The following SH3PXD2A variants were observed in gnomAD, a reference collection of about 807,000 sequenced individuals.
SH3PXD2A encodes SH3 and PX domains 2A, also known as SH3 and PX domain-containing protein 2A.
Under a neutral mutation model 115.2 loss-of-function variants are expected in SH3PXD2A, and 32 were observed. That is an observed-to-expected ratio of 0.28 (90% confidence interval 0.21 to 0.37). SH3PXD2A has a LOEUF of 0.37. SH3PXD2A is among the 10% of genes least tolerant of loss of function. The pLI is 1.00. For synonymous variants in SH3PXD2A, 610 were observed against 629.1 expected, an observed-to-expected ratio of 0.97 and a Z score of 0.45; for missense variants, 1,328 against 1,498.7, an observed-to-expected ratio of 0.89 and a Z score of 1.88.
At chr10:103,810,590 T>C (rs7916119) in intron 1 of SH3PXD2A, among the ~76,000 whole-genome samples, 46,994 of 151,892 alleles carry the variant, frequency 0.31, 7,908 homozygotes, top group African/African-American at 0.39. Context: ...TGAGTGAGGG[T>C]TTCCTTTGCT....
intron 2 of SH3PXD2A, among the ~76,000 whole-genome samples, chr10:103,797,952 A>T (rs56089126): frequency 0.18 from 27,204 of 152,006 alleles, 2,470 homozygotes; most frequent in East Asian, 0.29. Flanking sequence ...TCCGAATGAA[A>T]CTGGATCTGT....
intron 5 of SH3PXD2A, among the ~76,000 whole-genome samples, chr10:103,719,313 G>T (rs2134166306): frequency 6.6e-6 from 1 of 152,346 alleles, no homozygotes; most frequent in African/African-American, 2.4e-5. Flanking sequence ...TTGGGTCAGG[G>T]CTGTGGTTAG....
chr10:103,715,144 G>A (rs2038091076), intron 5 of SH3PXD2A, among the ~76,000 whole-genome samples: 1 of 152,194 alleles, frequency 6.6e-6, no homozygotes, highest in South Asian at 2.1e-4. Context: ...ATGGAGGAAA[G>A]GAGAAGAAAA....
rs139812262 is a variant in SH3PXD2A, at chr10:103,771,540, C to A, written c.154-4371G>T. On this transcript the variant is annotated intron_variant, in intron 2 of 14. Transcript: ENST00000369774. ...GACAAGGCAGGAGGACTGCTTGAGGCTAGGAGTTCACAGACCAGCCTGCGA... is the reference window on the plus strand; with the variant it reads ...GACAAGGCAGGAGGACTGCTTGAGGATAGGAGTTCACAGACCAGCCTGCGA... 2.9e-3 allele frequency among the ~76,000 whole-genome samples: 438 copies of A among 152,134 alleles called. 6 individuals carry two copies. The highest frequency in any genetic ancestry group is 4.2e-3 in the Non-Finnish European group (287 of 67,990).
At chr10:103,729,882 G>A in intron 4 of SH3PXD2A, among the ~76,000 whole-genome samples, 1 of 152,134 alleles carries the variant, frequency 6.6e-6, no homozygotes, top group East Asian at 1.9e-4. Flanking sequence ...ATTTCATGGG[G>A]GCCATGACAT....
intron 5 of SH3PXD2A, among the ~76,000 whole-genome samples, chr10:103,720,716 C>G (rs1013445180): frequency 2.0e-5 from 3 of 152,250 alleles, no homozygotes; most frequent in Non-Finnish European, 4.4e-5. Flanking sequence ...GGGAGGTGCA[C>G]AGTCGCCTGG....
chr10:103,710,954 T>G (rs1230143019), intron 5 of SH3PXD2A, among the ~76,000 whole-genome samples: 1 of 152,146 alleles, frequency 6.6e-6, no homozygotes. Flanking sequence ...GAGGATTGCT[T>G]GAGCCCAGCA....
chr10:103,677,171 C>G (rs758684477), intron 6 of SH3PXD2A, among the ~76,000 whole-genome samples: 11 of 152,246 alleles, frequency 7.2e-5, no homozygotes, highest in Non-Finnish European at 1.6e-4. Flanking sequence ...TCTCTCCAGA[C>G]TGGACTCTTG....
intron 5 of SH3PXD2A, among the ~76,000 whole-genome samples, chr10:103,695,312 C>G (rs566265451): frequency 9.9e-5 from 15 of 152,148 alleles, no homozygotes; most frequent in Non-Finnish European, 1.8e-4. Flanking sequence ...GAGTTTGAGA[C>G]CAGCCTAGGC....
chr10:103,708,287 C>CA (rs1221478589), intron 5 of SH3PXD2A, among the ~76,000 whole-genome samples: 1 of 152,184 alleles, frequency 6.6e-6, no homozygotes, highest in African/African-American at 2.4e-5. Context: ...CTCGGGTCCC[C>CA]AAGCTGGGGT....
Position 103,617,223 on chromosome 10 carries a change from C to A in SH3PXD2A, c.894G>T (p.Lys298Asn), listed in dbSNP as rs1470631641. Reference sequence around the variant, plus strand: ...TGATATACCACCAGCCTTCCAGATTCTTCCGGATCACCTCCACTGTGACGC... The same window carrying A: ...TGATATACCACCAGCCTTCCAGATTATTCCGGATCACCTCCACTGTGACGC... ...EKGVTVEVIR[K>N]NLEGWWYIRY... The change falls in exon 11 of 15, where the codon AAG (lysine) becomes AAT (asparagine). Residue 298 changes from lysine (K) to asparagine (N), a missense_variant. Lys to Asn is a moderately conservative substitution (Grantham distance 94). Coordinates refer to ENST00000369774, the MANE Select transcript of SH3PXD2A (RefSeq NM_001394015.1). 1.2e-6 allele frequency: 2 copies of A among 1,613,958 alleles called. No individual in the cohort carries two copies. The highest frequency in any genetic ancestry group is 1.7e-6 in the Non-Finnish European group (2 of 1,179,794).
chr10:103,603,751 C>A lies in SH3PXD2A; in HGVS notation c.1467G>T (p.Gln489His). 2 of 1,610,730 alleles carry A rather than the reference C, an allele frequency of 1.2e-6. No individual in the cohort carries two copies. Among genetic ancestry groups the A allele is most frequent in the South Asian group, 1.1e-5 (1 of 91,066 alleles). Residue 489 changes from glutamine (Q) to histidine (H), a missense_variant, in exon 15 of 15, where the codon CAG becomes CAT. Gln to His is a conservative substitution (Grantham distance 24). Transcript: ENST00000369774. ...GGGCCCAGCCCTCCTTCTCACCGATCTGCACGTACCACCAGCCACCTGAGT... is the reference window on the plus strand; with the variant it reads ...GGGCCCAGCCCTCCTTCTCACCGATATGCACGTACCACCAGCCACCTGAGT... ...DKNSGGWWYV[Q>H]IGEKEGWAPA...
chr10:103,748,943 T>C (rs1326092461), intron 3 of SH3PXD2A, among the ~76,000 whole-genome samples: 2 of 152,030 alleles, frequency 1.3e-5, no homozygotes, highest in Non-Finnish European at 2.9e-5. Context: ...CCCGAAGCCC[T>C]TCTTCCTGAA....
At chr10:103,614,754 TC>T (rs34369878) in intron 11 of SH3PXD2A, among the ~76,000 whole-genome samples, 18 of 149,760 alleles carry the variant, frequency 1.2e-4, no homozygotes, top group Admixed American at 5.3e-4. Context: ...TCTGAACACC[TC>T]CCCCCCCGCC....
intron 1 of SH3PXD2A, among the ~76,000 whole-genome samples, chr10:103,805,845 G>C (rs1444963343): frequency 6.6e-6 from 1 of 152,240 alleles, no homozygotes; most frequent in African/African-American, 2.4e-5. Flanking sequence ...ACAACATAGT[G>C]AGGCTCTGTC....
intron 4 of SH3PXD2A, among the ~76,000 whole-genome samples, chr10:103,726,515 T>A (rs891629174): frequency 1.3e-5 from 2 of 152,164 alleles, no homozygotes; most frequent in African/African-American, 4.8e-5. Flanking sequence ...TTTGGTTGAT[T>A]TCTGTGTCCC....
At chr10:103,658,688 G>C (rs1447370127) in intron 8 of SH3PXD2A, among the ~76,000 whole-genome samples, 1 of 152,222 alleles carries the variant, frequency 6.6e-6, no homozygotes, top group Non-Finnish European at 1.5e-5. Flanking sequence ...CTGAGCAGCT[G>C]TCTCTACCAA....
intron 13 of SH3PXD2A, among the ~76,000 whole-genome samples, chr10:103,606,911 C>T (rs1189214476): frequency 6.6e-6 from 1 of 152,164 alleles, no homozygotes; most frequent in African/African-American, 2.4e-5. Context: ...TCTGCCCGGC[C>T]GCCACCCCGT....
chr10:103,796,790 T>G (rs1016200487), intron 2 of SH3PXD2A, among the ~76,000 whole-genome samples: 2 of 151,992 alleles, frequency 1.3e-5, no homozygotes, highest in African/African-American at 4.8e-5. Context: ...CATAATTAAA[T>G]TTGAATTTCA....
Sources: allele counts gnomAD v4.1 joint callset (sites outside exome capture counted in the v4.1 genomes callset), GRCh38; gene constraint gnomAD v4.1.1; transcripts MANE v1.5; gene names NCBI Gene and HGNC (gene_info 2026-07-23, HGNC 2026-07-21).